The following COL4A4 variants were observed in gnomAD, a reference collection of about 807,000 sequenced individuals.
COL4A4 encodes collagen alpha-4(IV) chain.
In COL4A4, 105 loss-of-function variants were observed where a neutral mutation model predicts 192.9. That is an observed-to-expected ratio of 0.54 (90% CI 0.46 to 0.64). COL4A4 has a LOEUF of 0.64. Ranked by LOEUF, COL4A4 falls within the 30% of genes least tolerant of loss-of-function variation. The pLI is 0.00. For missense variants in COL4A4, 1,967 were observed against 2,169.3 expected (o/e 0.91, Z 1.85); for synonymous variants, 762 against 769.9 (o/e 0.99, Z 0.17).
chr2:226,984,008 C>T, the COL4A4 span, among the ~76,000 whole-genome samples: 43 of 152,324 alleles, frequency 2.8e-4, no homozygotes, highest in Admixed American at 1.3e-3. Context: ...GTGAGCCATG[C>T]AGCTGGCATT....
rs775441352 is a variant in COL4A4 at position 227,103,195 on chromosome 2, A to G, written c.819T>C (p.Gly273=). 1 of 1,611,802 alleles carries G rather than the reference A, an allele frequency of 6.2e-7. No homozygotes were observed. The highest frequency in any genetic ancestry group is 8.5e-7 in the Non-Finnish European group (1 of 1,178,404). The change falls in exon 14 of 48, where the codon GGT becomes GGC. Residue 273 remains glycine (G), a splice_region_variant and synonymous_variant. Coordinates refer to ENST00000396625, the MANE Select transcript of COL4A4 (RefSeq NM_000092.5). Reference sequence around the variant, plus strand: ...CAACCATTCCAGGAATTCCTTTTATACCCTAAAAATTACAATGAATATAAT... The same window carrying G: ...CAACCATTCCAGGAATTCCTTTTATGCCCTAAAAATTACAATGAATATAAT... The part of the protein sequence containing the change: ...PDFCLYKGEK[G]IKGIPGMVGL...
At chr2:227,133,916 TA>T (rs1218777858) in intron 4 of COL4A4, among the ~76,000 whole-genome samples, 1 of 151,660 alleles carries the variant, frequency 6.6e-6, no homozygotes, top group African/African-American at 2.4e-5. Flanking sequence ...AAAAAGAATT[TA>T]AAAAAGAAAG....
intron 12 of COL4A4, among the ~76,000 whole-genome samples, chr2:227,108,243 G>A (rs1291652170): frequency 4.6e-5 from 7 of 152,122 alleles, no homozygotes; most frequent in Non-Finnish European, 1.0e-4. Flanking sequence ...ATATTTAAGG[G>A]TGGAGTTTAG....
At chr2:227,016,008 C>T (rs190400044) in intron 44 of COL4A4, among the ~76,000 whole-genome samples, 2 of 152,096 alleles carry the variant, frequency 1.3e-5, no homozygotes, top group East Asian at 3.9e-4. Flanking sequence ...CATCTCCCAT[C>T]TCCTACCACA....
chr2:227,008,279 T>C lies in COL4A4; in HGVS notation c.4548A>G (p.Val1516=), dbSNP rs2228555. Reference sequence around the variant, plus strand: ...AGTAGGCAAAGGGCAGCGTGCTAAATACGGGAAGGCAAGACCCTGCCAGAC... The same window carrying C: ...AGTAGGCAAAGGGCAGCGTGCTAAACACGGGAAGGCAAGACCCTGCCAGAC... ...DLGLAGSCLP[V]FSTLPFAYCN... The change falls in exon 47 of 48, where the codon GTA becomes GTG. Residue 1516 remains valine (V), a synonymous_variant. Transcript: ENST00000396625. 854,474 of 1,613,658 alleles carry C rather than the reference T, an allele frequency of 0.53. 229,696 individuals are homozygous for C. The highest frequency in any genetic ancestry group is 0.73 in the African/African-American group (54,753 of 75,004).
chr2:227,041,739 GA>G (rs1251933469), intron 37 of COL4A4, among the ~76,000 whole-genome samples: 7 of 81,988 alleles, frequency 8.5e-5, no homozygotes, highest in East Asian at 4.8e-4. Context: ...AGGAAGGAAG[GA>G]AGGAAGGAAG....
At chr2:227,154,207 C>G (rs1042813000) in intron 1 of COL4A4, among the ~76,000 whole-genome samples, 2 of 152,206 alleles carry the variant, frequency 1.3e-5, no homozygotes, top group African/African-American at 4.8e-5. Flanking sequence ...CCCTTCACTC[C>G]TTTATGAAAA....
chr2:227,031,041 A>ATGGATGGATG lies in COL4A4; in HGVS notation c.3818-444_3818-443insCATCCATCCA, dbSNP rs1553626076. Reference sequence around the variant, plus strand: ...TATGTGGATAGATGGTTGGATGGACAGATGGATGGATGGATGGATGGATGG... The same window carrying ATGGATGGATG: ...TATGTGGATAGATGGTTGGATGGACATGGATGGATGGATGGATGGATGGATGGATGGATGG... On this transcript the variant is annotated intron_variant, in intron 40 of 47. Transcript: ENST00000396625. 2.3e-3 allele frequency among the ~76,000 whole-genome samples: 331 copies of ATGGATGGATG among 146,350 alleles called. 4 individuals are homozygous for ATGGATGGATG. The highest frequency in any genetic ancestry group is 7.9e-3 in the African/African-American group (309 of 38,946).
At chr2:227,145,383 A>G (rs1187554545) in intron 2 of COL4A4, among the ~76,000 whole-genome samples, 2 of 152,136 alleles carry the variant, frequency 1.3e-5, no homozygotes, top group Non-Finnish European at 2.9e-5. Context: ...GAAGGCAGAG[A>G]TTGCAGTGAG....
chr2:227,027,407 C>T (rs535925320), intron 42 of COL4A4, among the ~76,000 whole-genome samples: 4 of 147,588 alleles, frequency 2.7e-5, no homozygotes, highest in South Asian at 4.2e-4. Context: ...TGTTCTCACT[C>T]ATAGGTGGGA....
chr2:227,072,037 C>A (rs2058751157), intron 25 of COL4A4, among the ~76,000 whole-genome samples: 1 of 151,468 alleles, frequency 6.6e-6, no homozygotes, highest in Admixed American at 6.6e-5. Flanking sequence ...GAAGAAATAA[C>A]AAAGATCAGA....
chr2:227,047,471 A>G lies in COL4A4; in HGVS notation c.3289+4T>C. 1 of 1,610,912 alleles carries G rather than the reference A, an allele frequency of 6.2e-7. No individual in the cohort carries two copies. On this transcript the variant is annotated splice_donor_region_variant and intron_variant, in intron 35 of 47. Transcript: ENST00000396625. ...GTTTTAGTAAGAAAAATATGCAGCT[A>G]TACCTGGACATCCAGGGCTACCTGG... is the stretch of plus-strand genomic sequence containing the variant.
chr2:227,019,566 T>C (rs997894582), intron 44 of COL4A4, among the ~76,000 whole-genome samples: 2 of 152,252 alleles, frequency 1.3e-5, no homozygotes, highest in East Asian at 3.8e-4. Flanking sequence ...TCTAGTCAAA[T>C]ACCAGCTCTT....
At chr2:227,073,839 G>A (rs970797906) in intron 25 of COL4A4, among the ~76,000 whole-genome samples, 11 of 151,996 alleles carry the variant, frequency 7.2e-5, no homozygotes, top group African/African-American at 2.7e-4. Context: ...AAACTGCCAA[G>A]CTACATGTAT....
intron 19 of COL4A4, among the ~76,000 whole-genome samples, chr2:227,096,136 G>T (rs942093376): frequency 6.6e-6 from 1 of 152,120 alleles, no homozygotes; most frequent in South Asian, 2.1e-4. Flanking sequence ...AGATGATTCA[G>T]CTTCTGCCTT....
chr2:227,013,016 C>A (rs1305555579), intron 44 of COL4A4, among the ~76,000 whole-genome samples: 2 of 152,248 alleles, frequency 1.3e-5, no homozygotes, highest in Non-Finnish European at 2.9e-5. Flanking sequence ...ACCACCAGAC[C>A]CTGCGCCTGA....
At chr2:227,023,795 C>T (rs903938048) in intron 43 of COL4A4, among the ~76,000 whole-genome samples, 5 of 152,092 alleles carry the variant, frequency 3.3e-5, no homozygotes, top group Non-Finnish European at 5.9e-5. Flanking sequence ...GGACAGATCA[C>T]GAGGTCAAGA....
chr2:227,041,848 G>GAAAGAAAGAGAAAGAAAGAGAA (rs1243663359), intron 37 of COL4A4, among the ~76,000 whole-genome samples: 3 of 38,690 alleles, frequency 7.8e-5, no homozygotes, highest in African/African-American at 2.5e-4. Flanking sequence ...AAGAAAGAAA[G>GAAAGAAAGAGAAAGAAAGAGAA]AGAAAGAAAG....
At chr2:227,028,286 GGAGACAAAGGAC>G (rs1295898488) in intron 41 of COL4A4, among the ~76,000 whole-genome samples, 2 of 152,158 alleles carry the variant, frequency 1.3e-5, no homozygotes, top group African/African-American at 4.8e-5. Context: ...AACTTCCTCT[GGAGACAAAGGAC>G]TGGAACTGAA....
Sources: allele counts gnomAD v4.1 joint callset (sites outside exome capture counted in the v4.1 genomes callset), GRCh38; gene constraint gnomAD v4.1.1; transcripts MANE v1.5; gene names NCBI Gene and HGNC (gene_info 2026-07-23, HGNC 2026-07-21).